The following MOV10L1 variants were observed in gnomAD, a reference collection of about 807,000 sequenced individuals.
MOV10L1 encodes the protein Mov10 like RNA helicase 1.
Under a neutral mutation model 143.8 loss-of-function variants are expected in MOV10L1, and 110 were observed. The observed-to-expected ratio is 0.76, with a 90% CI of 0.66 to 0.90. The LOEUF is 0.90. Among genes scored for constraint, MOV10L1 ranks in the 40% least tolerant of loss-of-function variants. The pLI is 0.00. For synonymous variants in MOV10L1, 593 were observed against 581.1 expected, an observed-to-expected ratio of 1.02 and a Z score of -0.29; for missense variants, 1,406 against 1,526.8, an observed-to-expected ratio of 0.92 and a Z score of 1.32.
chr22:50,091,778 C>T (rs1289707651), intron 1 of MOV10L1, among the ~76,000 whole-genome samples: 1 of 152,194 alleles, frequency 6.6e-6, no homozygotes, highest in African/African-American at 2.4e-5. Context: ...CAACCACTAC[C>T]TGTGCCCTTC....
At chr22:50,142,059 T>C in intron 15 of MOV10L1, 22 bp from the exon 16 acceptor site, 1 of 1,601,518 alleles carries the variant, frequency 6.2e-7, no homozygotes, top group Non-Finnish European at 8.5e-7. Flanking sequence ...TTTAAAACAT[T>C]TTTCTGCCTG....
At chr22:50,134,189 A>C (rs1019150112) in intron 14 of MOV10L1, 124 bp downstream of exon 14, 2 of 713,272 alleles carry the variant, frequency 2.8e-6, no homozygotes, top group Non-Finnish European at 2.2e-6. Flanking sequence ...TGTTATATTC[A>C]TGTTTTTAAT....
chr22:50,146,921 A>G, intron 19 of MOV10L1: 1 of 734,852 alleles, frequency 1.4e-6, no homozygotes, highest in Non-Finnish European at 2.3e-6. Context: ...TGTATTTTAC[A>G]CTTAGAGCAT....
chr22:50,111,997 C>A (rs2062038598), intron 5 of MOV10L1, among the ~76,000 whole-genome samples: 1 of 152,194 alleles, frequency 6.6e-6, no homozygotes, highest in African/African-American at 2.4e-5. Flanking sequence ...TGAACTGAGC[C>A]ACAGGGGTGT....
chr22:50,098,244 A>G (rs2062644107), intron 2 of MOV10L1, among the ~76,000 whole-genome samples: 1 of 143,416 alleles, frequency 7.0e-6, no homozygotes, highest in Non-Finnish European at 1.5e-5. Context: ...CTTAATAATA[A>G]TTATTAAGAT....
chr22:50,158,330 G>A lies in MOV10L1; in HGVS notation c.3216+124G>A, dbSNP rs1602374815. On this transcript the variant is annotated intron_variant, in intron 23 of 26. Coordinates refer to ENST00000262794, the MANE Select transcript of MOV10L1 (RefSeq NM_018995.3). The surrounding 1 kb of genome is among the most constrained non-coding windows in gnomAD (Gnocchi z 5.0). Reference sequence around the variant, plus strand: ...CAGCAGCAGGTTTTTAAAGGGGCAGGACCGCACTTGAATGTCGTTCAACAT... The same window carrying A: ...CAGCAGCAGGTTTTTAAAGGGGCAGAACCGCACTTGAATGTCGTTCAACAT... 8.3e-7 allele frequency: 1 copy of A among 1,209,046 alleles called. No individual in the cohort carries two copies. The highest frequency in any genetic ancestry group is 2.6e-5 in the East Asian group (1 of 38,522). 74.9% of individuals were successfully genotyped at this position (1,209,046 alleles called of 1,614,324 possible). A position where few individuals can be genotyped will look rare whatever the true frequency, so the allele number is the denominator to read the frequency against.
intron 3 of MOV10L1, among the ~76,000 whole-genome samples, chr22:50,104,813 C>T (rs891993791): frequency 7.9e-5 from 12 of 151,542 alleles, no homozygotes; most frequent in Middle Eastern, 3.2e-3. Flanking sequence ...TCTATAATTG[C>T]GTGGTGTCGT....
chr22:50,155,632 C>T (rs560597856), intron 22 of MOV10L1, among the ~76,000 whole-genome samples: 5 of 152,290 alleles, frequency 3.3e-5, no homozygotes, highest in South Asian at 2.1e-4. Context: ...CCTGCCACCA[C>T]GTCCGGCTAA....
chr22:50,127,424 A>G (rs1458551676), intron 12 of MOV10L1, among the ~76,000 whole-genome samples: 1 of 152,220 alleles, frequency 6.6e-6, no homozygotes, highest in East Asian at 1.9e-4. Context: ...AGACTAACGC[A>G]TGTCTCCTGT....
chr22:50,138,782 C>T (rs1359966102), intron 15 of MOV10L1, among the ~76,000 whole-genome samples: 1 of 152,132 alleles, frequency 6.6e-6, no homozygotes, highest in African/African-American at 2.4e-5. Context: ...CGGCTCACTG[C>T]AACCTCCGCC....
In MOV10L1 at chr22:50,092,049, G is replaced by A. The variant is rs766954097; in HGVS notation, c.146G>A (p.Ser49Asn). 6.2e-7 allele frequency: 1 copy of A among 1,614,210 alleles called. No homozygotes were observed. The highest frequency in any genetic ancestry group is 8.5e-7 in the Non-Finnish European group (1 of 1,180,038). Residue 49 changes from serine (S) to asparagine (N), a missense_variant, in exon 2 of 27, where the codon AGC (serine) becomes AAC (asparagine). Coordinates refer to ENST00000262794, the MANE Select transcript of MOV10L1 (RefSeq NM_018995.3). ...CGGGGTGTCGTGACAAGGTACTGCAGCGATTATGGCATGATTGATGATATG... is the reference window on the plus strand; with the variant it reads ...CGGGGTGTCGTGACAAGGTACTGCAACGATTATGGCATGATTGATGATATG... ...TVRGVVTRYC[S>N]DYGMIDDMIY... is the part of the protein sequence containing the mutation.
At chr22:50,114,288 C>A (rs904159497) in intron 6 of MOV10L1, 93 bp from the exon 7 acceptor site, 1 of 1,443,572 alleles carries the variant, frequency 6.9e-7, no homozygotes, top group Non-Finnish European at 9.5e-7. Flanking sequence ...TTTGCAGTCA[C>A]CACTTCCTAG....
At chr22:50,115,012 C>T (rs554756086) in intron 7 of MOV10L1, 102 bp from the exon 8 acceptor site, 1 of 1,303,868 alleles carries the variant, frequency 7.7e-7, no homozygotes, top group African/African-American at 1.5e-5. Flanking sequence ...GTGCATCTGT[C>T]TTTGTGTGTG....
chr22:50,149,585 A>C, intron 19 of MOV10L1, 30 bp from the exon 20 acceptor site: 4 of 1,609,840 alleles, frequency 2.5e-6, no homozygotes, highest in Non-Finnish European at 3.4e-6. Flanking sequence ...AATTCGGCAG[A>C]AATTACCATT....
At chr22:50,112,803 C>T (rs935237088) in intron 5 of MOV10L1, among the ~76,000 whole-genome samples, 2 of 152,344 alleles carry the variant, frequency 1.3e-5, no homozygotes, top group South Asian at 2.1e-4. Context: ...AGCCACGCAC[C>T]GGGCAGTCGC....
chr22:50,149,333 G>A (rs549462844), intron 19 of MOV10L1: 15 of 407,762 alleles, frequency 3.7e-5, no homozygotes, highest in Non-Finnish European at 4.9e-5. Flanking sequence ...CCCAGGAGGC[G>A]CTCGTGTGTT....
intron 10 of MOV10L1, 61 bp downstream of exon 10, chr22:50,120,677 A>G: frequency 8.0e-7 from 1 of 1,242,330 alleles, no homozygotes; most frequent in Admixed American, 1.9e-5. Context: ...GTTTTCTGAC[A>G]AAGCCAGGAG....
chr22:50,151,682 G>A (rs1307604012), intron 21 of MOV10L1, among the ~76,000 whole-genome samples: 2 of 152,248 alleles, frequency 1.3e-5, no homozygotes, highest in African/African-American at 4.8e-5. Context: ...TCCCCCGGAG[G>A]TTCGCCTCAT....
chr22:50,125,645 G>T, intron 11 of MOV10L1, 76 bp downstream of exon 11: 1 of 1,424,978 alleles, frequency 7.0e-7, no homozygotes. Context: ...CTCTTTAACT[G>T]GCAATATGAC....
Sources: allele counts gnomAD v4.1 joint callset (sites outside exome capture counted in the v4.1 genomes callset), GRCh38; gene constraint gnomAD v4.1.1; non-coding constraint Gnocchi (gnomAD v3.1); transcripts MANE v1.5; gene names NCBI Gene and HGNC (gene_info 2026-07-23, HGNC 2026-07-21).